PWWP3B: variants seen among roughly 807,000 people sequenced by gnomAD.
The protein encoded by PWWP3B is PWWP domain-containing DNA repair factor 3B.
Under a neutral mutation model 15.7 loss-of-function variants are expected in PWWP3B, and 5 were observed. The ratio of observed to expected loss-of-function variants is 0.32; its 90% CI spans 0.17 to 0.67. The LOEUF is 0.67. Ranked by LOEUF, PWWP3B falls within the 30% of genes least tolerant of loss-of-function variation. The pLI is 0.74. For missense variants in PWWP3B, 519 were observed against 493.1 expected (o/e 1.05, Z -0.50); for synonymous variants, 203 against 179.8 (o/e 1.13, Z -1.03).
intron 2 of PWWP3B, among the ~76,000 whole-genome samples, chrX:106,185,069 A>G (rs1922427409): frequency 8.9e-6 from 1 of 111,857 alleles, no homozygotes. Context: ...GCTTGGGCAT[A>G]AGGTATTTCA....
intron 2 of PWWP3B, among the ~76,000 whole-genome samples, chrX:106,172,661 T>A (rs1921683188): frequency 9.0e-6 from 1 of 111,000 alleles, no homozygotes; most frequent in Non-Finnish European, 1.9e-5. Flanking sequence ...ACCCCCTGAA[T>A]CAAGACCTGC....
At chrX:106,202,496 T>C (rs1435502100) in intron 2 of PWWP3B, among the ~76,000 whole-genome samples, 5 of 111,616 alleles carry the variant, frequency 4.5e-5, no homozygotes, top group Admixed American at 9.6e-5. Context: ...ATATCCCCCC[T>C]GTCTTCTGCC....
intron 2 of PWWP3B, among the ~76,000 whole-genome samples, chrX:106,179,870 A>C (rs1466639389): frequency 8.9e-6 from 1 of 112,304 alleles, no homozygotes; most frequent in Non-Finnish European, 1.9e-5. Flanking sequence ...AAAGAATTAT[A>C]TATGCTAAAC....
At chrX:106,174,084 A>G (rs1921762223) in intron 2 of PWWP3B, among the ~76,000 whole-genome samples, 1 of 112,226 alleles carries the variant, frequency 8.9e-6, no homozygotes, top group Non-Finnish European at 1.9e-5. Flanking sequence ...GCTTACCAGG[A>G]AAATTTTGAC....
chrX:106,170,439 T>A (rs986340317), intron 1 of PWWP3B, among the ~76,000 whole-genome samples: 2 of 112,128 alleles, frequency 1.8e-5, no homozygotes, highest in Non-Finnish European at 3.8e-5. Context: ...CATTTTTGTA[T>A]AACACATGCA....
intron 2 of PWWP3B, among the ~76,000 whole-genome samples, chrX:106,185,173 A>C (rs770679381): frequency 1.4e-3 from 151 of 111,803 alleles, no homozygotes; most frequent in African/African-American, 4.7e-3. Context: ...CCCATCAGAC[A>C]GAGAATATTG....
rs746553148 is a variant in PWWP3B, at chrX:106,201,059, T to A, written c.-400-2926T>A. Among the ~76,000 whole-genome samples the A allele has an allele frequency of 2.7e-4, 28 of 105,611 alleles. 1 individual carries two copies. The South Asian group carries it at 8.0e-3, about 30-fold the overall frequency. The allele number at this position is 105,611 out of a possible 115,157, so 91.7% of individuals were successfully genotyped here. A position where few individuals can be genotyped will look rare whatever the true frequency, so the allele number is the denominator to read the frequency against. On this transcript the variant is annotated intron_variant, in intron 2 of 3. Coordinates refer to ENST00000357175, the MANE Select transcript of PWWP3B (RefSeq NM_001171020.2). Reference sequence around the variant, plus strand: ...TAAGACTCCGTCTCAAAAAAAAAAATAAAATAAAATAAAAAATAAAAATAA... The same window carrying A: ...TAAGACTCCGTCTCAAAAAAAAAAAAAAAATAAAATAAAAAATAAAAATAA...
rs1275464432 is a variant in PWWP3B at position 106,204,114 on chromosome X, G to A, written c.-271G>A. 2.7e-5 allele frequency: 3 copies of A among 111,975 alleles called. No individual in the cohort carries two copies. Among genetic ancestry groups the A allele is most frequent in the Non-Finnish European group, 5.6e-5 (3 of 53,226 alleles). 9.2% of individuals were successfully genotyped at this position (111,975 alleles called of 1,213,427 possible). ...GCCCTGCTGGACAAGCAGTTGGAGT[G>A]AGAATCAAGACAGCCGGACCACAGG... is the stretch of plus-strand genomic sequence containing the variant. On this transcript the variant is annotated 5_prime_UTR_variant, in exon 3 of 4. An upstream open reading frame in the 5' UTR loses its in-frame stop. Coordinates refer to ENST00000357175, the MANE Select transcript of PWWP3B (RefSeq NM_001171020.2).
At chrX:106,185,844 A>G (rs1273164793) in intron 2 of PWWP3B, among the ~76,000 whole-genome samples, 15 of 111,635 alleles carry the variant, frequency 1.3e-4, no homozygotes, top group African/African-American at 4.9e-4. Context: ...GGAAGGATAT[A>G]ATTTCTGAGG....
intron 2 of PWWP3B, among the ~76,000 whole-genome samples, chrX:106,176,156 C>T (rs763868583): frequency 4.5e-5 from 5 of 111,098 alleles, no homozygotes; most frequent in African/African-American, 9.8e-5. Context: ...TGCAGTGGCG[C>T]GATCTCAGCT....
intron 2 of PWWP3B, among the ~76,000 whole-genome samples, chrX:106,194,576 G>T (rs1427318778): frequency 8.9e-6 from 1 of 111,997 alleles, no homozygotes; most frequent in East Asian, 2.8e-4. Context: ...TTGTTCCATT[G>T]CTGTTGAGGA....
intron 2 of PWWP3B, among the ~76,000 whole-genome samples, chrX:106,171,432 T>G (rs1921606859): frequency 9.0e-6 from 1 of 111,615 alleles, no homozygotes; most frequent in Admixed American, 9.5e-5. Flanking sequence ...GGTGTCTCCC[T>G]GAGGCCTGAC....
intron 2 of PWWP3B, among the ~76,000 whole-genome samples, chrX:106,185,276 T>C (rs1882381787): frequency 3.6e-5 from 4 of 111,515 alleles, no homozygotes; most frequent in African/African-American, 1.3e-4. Flanking sequence ...ACATTTCAAG[T>C]GTGAGCCTGT....
At chrX:106,191,293 T>C in intron 2 of PWWP3B, among the ~76,000 whole-genome samples, 1 of 110,810 alleles carries the variant, frequency 9.0e-6, no homozygotes, top group East Asian at 2.8e-4. Context: ...AGGTATTTTA[T>C]TCTCTTTGAA....
chrX:106,196,385 A>G (rs1444685197), intron 2 of PWWP3B, among the ~76,000 whole-genome samples: 1 of 111,912 alleles, frequency 8.9e-6, no homozygotes, highest in Non-Finnish European at 1.9e-5. Context: ...AAAGCATTCT[A>G]TGTTTTACCA....
rs1024198077 is a variant in PWWP3B, at chrX:106,172,338, T to G, written c.-401+1199T>G. Among the ~76,000 whole-genome samples, 3 of 111,864 alleles carry G rather than the reference T, an allele frequency of 2.7e-5. No individual in the cohort carries two copies. The East Asian group carries it at 8.3e-4, about 31-fold the overall frequency. On this transcript the variant is annotated intron_variant, in intron 2 of 3. Transcript: ENST00000357175. ...TAAATGTTTAAATTTTTAAATCTTT[T>G]AACACTTTTGTAATAATACCTTAAA... is the stretch of plus-strand genomic sequence containing the variant.
intron 2 of PWWP3B, among the ~76,000 whole-genome samples, chrX:106,192,478 T>C (rs1238346998): frequency 1.8e-5 from 2 of 111,312 alleles, no homozygotes; most frequent in African/African-American, 6.5e-5. Flanking sequence ...TTTGTTGATC[T>C]TTTCAAAAAA....
At chrX:106,173,842 A>G (rs1308769566) in intron 2 of PWWP3B, among the ~76,000 whole-genome samples, 1 of 111,847 alleles carries the variant, frequency 8.9e-6, no homozygotes, top group Non-Finnish European at 1.9e-5. Flanking sequence ...TGACTATGCT[A>G]TCTAGGATAT....
rs368864051 is a variant in PWWP3B, at chrX:106,206,207, G to A, written c.775G>A (p.Glu259Lys). 2.2e-4 allele frequency: 261 copies of A among 1,203,657 alleles called. 1 individual carries two copies. In the African/African-American group the frequency reaches 3.5e-3, roughly 16 times the overall value. The stretch of plus-strand genomic sequence containing the variant: ...GCCCAAAGCTTTGAAAGAAGAGAGC[G>A]AGGATACCTGCCTAGAGACCCTGGC... ...IMPKALKEES[E>K]DTCLETLAVP... Residue 259 changes from glutamate to lysine, a missense_variant, in exon 4 of 4, where the codon GAG (glutamate) becomes AAG (lysine). Glu to Lys is a moderately conservative substitution (Grantham distance 56). Transcript: ENST00000357175.
Sources: allele counts gnomAD v4.1 joint callset (sites outside exome capture counted in the v4.1 genomes callset), GRCh38; gene constraint gnomAD v4.1.1; transcripts MANE v1.5; gene names NCBI Gene and HGNC (gene_info 2026-07-23, HGNC 2026-07-21).